VARS2: variants seen among roughly 807,000 people sequenced by gnomAD.
The protein encoded by VARS2 is valyl-tRNA synthetase 2, mitochondrial.
VARS2 carries 105 observed loss-of-function variants against 154.1 expected under a neutral mutation model. The observed-to-expected ratio is 0.68, with a 90% CI of 0.58 to 0.80. VARS2 has a LOEUF of 0.80. Ranked by LOEUF, VARS2 falls within the 30% of genes least tolerant of loss-of-function variation. The pLI, the probability that VARS2 is intolerant of heterozygous loss-of-function variation, is 0.00. For synonymous variants in VARS2, 483 were observed against 539.5 expected (o/e 0.90, Z 1.45); for missense variants, 1,157 against 1,361.4 (o/e 0.85, Z 2.36).
In VARS2 at chr6:30,924,123, A is replaced by G. The variant is rs1794699189; in HGVS notation, c.2467-231A>G. The stretch of plus-strand genomic sequence containing the variant: ...TCAATGATTTTTTTCCCTAAACTAC[A>G]TGTTTCCCTGGAAATCCTGTCCCTG... On this transcript the variant is annotated intron_variant, in intron 25 of 29. Coordinates refer to ENST00000676266, the MANE Select transcript of VARS2 (RefSeq NM_020442.6). 4.6e-5 allele frequency: 27 copies of G among 584,116 alleles called. 1 individual carries two copies. Among genetic ancestry groups the G allele is most frequent in the Middle Eastern group, 4.4e-4 (1 of 2,248 alleles). 36.2% of individuals were successfully genotyped at this position (584,116 alleles called of 1,614,324 possible).
chr6:30,915,304 CA>C, intron 3 of VARS2, 50 bp from the exon 4 acceptor site: 1 of 1,612,408 alleles, frequency 6.2e-7, no homozygotes, highest in South Asian at 1.1e-5. Flanking sequence ...TGCCGAAATG[CA>C]GCCTGGGAAC....
chr6:30,918,928 G>A lies in VARS2; in HGVS notation c.1074+13G>A, dbSNP rs1794339685. ...CTCGCGATACACAGTAATACCCAGT[G>A]CGCTCCTGCACTCTGGCCCGCCCCG... On this transcript the variant is annotated intron_variant, in intron 11 of 29. Coordinates refer to ENST00000676266, the MANE Select transcript of VARS2 (RefSeq NM_020442.6). The A allele has an allele frequency of 6.2e-7, 1 of 1,611,478 alleles. No individual in the cohort carries two copies.
Position 30,917,543 on chromosome 6 carries a change from G to A in VARS2, c.874-152G>A. 1.3e-6 allele frequency: 1 copy of A among 760,944 alleles called. No homozygotes were observed. The highest frequency in any genetic ancestry group is 2.1e-6 in the Non-Finnish European group (1 of 478,440). The allele number at this position is 760,944 out of a possible 1,614,324, so 47.1% of individuals were successfully genotyped here. On this transcript the variant is annotated intron_variant, in intron 9 of 29. Transcript: ENST00000676266. The surrounding 1 kb of genome is among the most constrained non-coding windows in gnomAD (Gnocchi z 4.4). ...AGAAGTGTGACTGCACGAGCATTGG[G>A]TGAGGGCAGAGGGAGGTAGCTCCCG...
rs569160389 is a variant in VARS2, at chr6:30,922,579, G to C, written c.2037+25G>C. ...GGTGAGGACGAAGCACCCACTAGAG[G>C]GACAAGGTTTGCAGGGTTTGCAGGA... is the stretch of plus-strand genomic sequence containing the variant. On this transcript the variant is annotated intron_variant, in intron 21 of 29. Coordinates refer to ENST00000676266, the MANE Select transcript of VARS2 (RefSeq NM_020442.6). The C allele has an allele frequency of 1.3e-4, 208 of 1,558,586 alleles. 1 individual carries two copies. Among genetic ancestry groups the C allele is most frequent in the Non-Finnish European group, 6.1e-6 (7 of 1,151,552 alleles).
intron 26 of VARS2, 148 bp from the exon 27 acceptor site, chr6:30,925,126 C>G: frequency 2.0e-6 from 1 of 508,532 alleles, no homozygotes; most frequent in South Asian, 4.2e-5. Context: ...TTGTCATGTT[C>G]CTTGAGATAG....
chr6:30,924,458 G>C lies in VARS2; in HGVS notation c.2571G>C (p.Met857Ile). The C allele has an allele frequency of 1.2e-6, 2 of 1,612,564 alleles. No homozygotes were observed. ...DLGLRLLAPL[M>I]PFLAEELWQR... ...GCCTCCGCCTCCTGGCCCCACTGATGCCCTTCCTGGCTGAAGAGCTCTGGC... is the reference window on the plus strand; with the variant it reads ...GCCTCCGCCTCCTGGCCCCACTGATCCCCTTCCTGGCTGAAGAGCTCTGGC... The change falls in exon 26 of 30, where the codon ATG becomes ATC. Residue 857 changes from methionine (M) to isoleucine (I), a missense_variant. Met to Ile is a conservative substitution (Grantham distance 10). Transcript: ENST00000676266.
chr6:30,920,899 G>A lies in VARS2; in HGVS notation c.1479+150G>A. On this transcript the variant is annotated intron_variant, in intron 15 of 29. Transcript: ENST00000676266. The surrounding 1 kb of genome is among the most constrained non-coding windows in gnomAD (Gnocchi z 4.6). ...GGATGTGTGGGATGGAGGCTGGGCG[G>A]CCCAGCAAGGGCTGGCTCATATCCT... 1.8e-6 allele frequency: 2 copies of A among 1,106,874 alleles called. No homozygotes were observed. The highest frequency in any genetic ancestry group is 2.5e-6 in the Non-Finnish European group (2 of 788,124). The allele number at this position is 1,106,874 out of a possible 1,614,324, so 68.6% of individuals were successfully genotyped here. A position where few individuals can be genotyped will look rare whatever the true frequency, so the allele number is the denominator to read the frequency against.
Position 30,919,918 on chromosome 6 carries a change from G to A in VARS2, c.1165+70G>A. 6.7e-7 allele frequency: 1 copy of A among 1,492,388 alleles called. No homozygotes were observed. The highest frequency in any genetic ancestry group is 1.4e-5 in the South Asian group (1 of 73,748). 92.4% of individuals were successfully genotyped at this position (1,492,388 alleles called of 1,614,324 possible). A position where few individuals can be genotyped will look rare whatever the true frequency, so the allele number is the denominator to read the frequency against. On this transcript the variant is annotated intron_variant, in intron 12 of 29. Transcript: ENST00000676266. This position sits in a 1 kb window ranked among gnomAD's most constrained non-coding sequence, Gnocchi z 4.5. ...GGAGAGGGGAGGGAACCAGGAGGAA[G>A]AGGAAGGTGGGAGTGGGAGATCCTC...
chr6:30,918,026 T>C (rs1196367033), intron 10 of VARS2, among the ~76,000 whole-genome samples: 2 of 152,092 alleles, frequency 1.3e-5, no homozygotes, highest in Non-Finnish European at 2.9e-5. Context: ...AGGAGTGCGC[T>C]ACCCAGGAAA....
chr6:30,925,539 T>G lies in VARS2; in HGVS notation c.2786-5T>G. On this transcript the variant is annotated splice_polypyrimidine_tract_variant and splice_region_variant and intron_variant, in intron 27 of 29. Transcript: ENST00000676266. ...CCTTGCCCCTGACAGTTTCTTTCTTTCCAGTGCTGCTGCAGAGCTCAGAGC... is the reference window on the plus strand; with the variant it reads ...CCTTGCCCCTGACAGTTTCTTTCTTGCCAGTGCTGCTGCAGAGCTCAGAGC... The G allele has an allele frequency of 6.4e-7, 1 of 1,574,696 alleles. No individual in the cohort carries two copies. The highest frequency in any genetic ancestry group is 8.6e-7 in the Non-Finnish European group (1 of 1,164,522).
At position 30,920,615 on chromosome 6, in the gene VARS2, G is replaced by A; in HGVS notation, c.1398-53G>A. On this transcript the variant is annotated intron_variant, in intron 14 of 29. Coordinates refer to ENST00000676266, the MANE Select transcript of VARS2 (RefSeq NM_020442.6). This position sits in a 1 kb window ranked among gnomAD's most constrained non-coding sequence, Gnocchi z 4.6. ...GCATGGCATGGGGTCTTGTGCCCCTGGGAGAAGTCACAGGGCCGGAAGAGC... is the reference window on the plus strand; with the variant it reads ...GCATGGCATGGGGTCTTGTGCCCCTAGGAGAAGTCACAGGGCCGGAAGAGC... 1 of 1,456,098 alleles carries A rather than the reference G, an allele frequency of 6.9e-7. No individual in the cohort carries two copies. Among genetic ancestry groups the A allele is most frequent in the Non-Finnish European group, 9.2e-7 (1 of 1,081,282 alleles). The allele number at this position is 1,456,098 out of a possible 1,614,324, so 90.2% of individuals were successfully genotyped here. A position where few individuals can be genotyped will look rare whatever the true frequency, so the allele number is the denominator to read the frequency against.
At position 30,921,224 on chromosome 6, in the gene VARS2, C is replaced by T. The variant is rs370809046; in HGVS notation, c.1557-6C>T. ...TTCTAAGACTTCACGAATGTCCTCC[C>T]GGCAGGGACTGGTGTGTCTCCCGGC... On this transcript the variant is annotated splice_polypyrimidine_tract_variant and splice_region_variant and intron_variant, in intron 16 of 29. Coordinates refer to ENST00000676266, the MANE Select transcript of VARS2 (RefSeq NM_020442.6). The surrounding 1 kb of genome is among the most constrained non-coding windows in gnomAD (Gnocchi z 4.6). 23 of 1,613,940 alleles carry T rather than the reference C, an allele frequency of 1.4e-5. No individual in the cohort carries two copies. Among genetic ancestry groups the T allele is most frequent in the African/African-American group, 8.0e-5 (6 of 74,874 alleles).
intron 1 of VARS2, 161 bp downstream of exon 1, chr6:30,914,505 T>C (rs1562444572): frequency 2.2e-6 from 3 of 1,341,984 alleles, no homozygotes; most frequent in African/African-American, 1.5e-5. Flanking sequence ...GACTCCTTGC[T>C]GGCTCTTGGG....
In VARS2 at chr6:30,924,493, C is replaced by A; in HGVS notation, c.2606C>A (p.Pro869His). 1.2e-6 allele frequency: 2 copies of A among 1,605,550 alleles called. No individual in the cohort carries two copies. Among genetic ancestry groups the A allele is most frequent in the Non-Finnish European group, 1.7e-6 (2 of 1,174,472 alleles). Residue 869 changes from proline to histidine, a missense_variant, in exon 26 of 30, where the codon CCC becomes CAC. By Grantham distance (77) the Pro-to-His change is moderately conservative (BLOSUM62 -2). Transcript: ENST00000676266. ...GCTGAAGAGCTCTGGCAGAGGCTGC[C>A]CCCCAGGCCTGGTTGCCCCCCTGCC... Reference protein sequence around the residue: ...FLAEELWQRLPPRPGCPPAPS... With the variant: ...FLAEELWQRLHPRPGCPPAPS...
At position 30,915,432 on chromosome 6, in the gene VARS2, G is replaced by C; in HGVS notation, c.361G>C (p.Gly121Arg). The C allele has an allele frequency of 6.2e-7, 1 of 1,614,126 alleles. No individual in the cohort carries two copies. ...AAWYPWWVRE[G>R]FFKPEYQARL... is the part of the protein sequence containing the mutation. Reference sequence around the variant, plus strand: ...CTGGTACCCGTGGTGGGTACGAGAGGGCTTCTTCAAACCAGAATATCAGGT... The same window carrying C: ...CTGGTACCCGTGGTGGGTACGAGAGCGCTTCTTCAAACCAGAATATCAGGT... The change falls in exon 4 of 30, where the codon GGC (glycine) becomes CGC (arginine). Residue 121 changes from glycine (G) to arginine (R), a missense_variant. Gly to Arg is a moderately radical substitution (Grantham distance 125). Coordinates refer to ENST00000676266, the MANE Select transcript of VARS2 (RefSeq NM_020442.6).
chr6:30,925,600 C>T lies in VARS2; in HGVS notation c.2842C>T (p.Pro948Ser), dbSNP rs746661112. The T allele has an allele frequency of 1.2e-6, 2 of 1,610,798 alleles. No homozygotes were observed. Among genetic ancestry groups the T allele is most frequent in the Admixed American group, 1.7e-5 (1 of 59,802 alleles). The change falls in exon 28 of 30, where the codon CCC becomes TCC. Residue 948 changes from proline (P) to serine (S), a missense_variant. By Grantham distance (74) the Pro-to-Ser change is moderately conservative. Coordinates refer to ENST00000676266, the MANE Select transcript of VARS2 (RefSeq NM_020442.6). Reference protein sequence around the residue: ...DQGLFEAFLEPLGTLGYCGAV... With the variant: ...DQGLFEAFLESLGTLGYCGAV... The stretch of plus-strand genomic sequence containing the variant: ...GGGCCTCTTCGAGGCCTTCTTGGAG[C>T]CCCTGGGCACCCTGGGCTACTGTGG...
chr6:30,914,852 C>T lies in VARS2; in HGVS notation c.16C>T (p.Leu6Phe). The T allele has an allele frequency of 6.2e-7, 1 of 1,613,064 alleles. No individual in the cohort carries two copies. Among genetic ancestry groups the T allele is most frequent in the Non-Finnish European group, 8.5e-7 (1 of 1,180,036 alleles). Residue 6 changes from leucine (L) to phenylalanine (F), a missense_variant, in exon 2 of 30, where the codon CTC (leucine) becomes TTC (phenylalanine). By Grantham distance (22) the Leu-to-Phe change is conservative. Transcript: ENST00000676266. MPHLPLASFRPPFWGL... is the reference protein window; with the variant it reads MPHLPFASFRPPFWGL... ...AACACTCCTGATGCCTCATTTGCCT[C>T]TCGCCTCTTTTCGACCACCATTTTG...
At position 30,920,838 on chromosome 6, in the gene VARS2, C is replaced by G; in HGVS notation, c.1479+89C>G. On this transcript the variant is annotated intron_variant, in intron 15 of 29. Transcript: ENST00000676266. The surrounding 1 kb of genome is among the most constrained non-coding windows in gnomAD (Gnocchi z 4.6). ...GAAGAAATGGGAAGCAGGAGACCTC[C>G]TGCCCTGAAGACCTCTCCAGCTGTG... The G allele has an allele frequency of 7.9e-7, 1 of 1,268,016 alleles. No individual in the cohort carries two copies. The highest frequency in any genetic ancestry group is 1.1e-6 in the Non-Finnish European group (1 of 928,116). 78.5% of individuals were successfully genotyped at this position (1,268,016 alleles called of 1,614,324 possible). A position where few individuals can be genotyped will look rare whatever the true frequency, so the allele number is the denominator to read the frequency against.
rs1470510884 is a variant in VARS2, at chr6:30,914,252, C to A, written c.-120C>A. The A allele has an allele frequency of 4.8e-5, 37 of 773,288 alleles. No individual in the cohort carries two copies. Among genetic ancestry groups the A allele is most frequent in the Non-Finnish European group, 6.2e-5 (35 of 567,594 alleles). The allele number at this position is 773,288 out of a possible 1,614,324, so 47.9% of individuals were successfully genotyped here. On this transcript the variant is annotated 5_prime_UTR_variant, in exon 1 of 30. Coordinates refer to ENST00000676266, the MANE Select transcript of VARS2 (RefSeq NM_020442.6). ...GCCGGGGCCCCGCCCCCATGCGCCG[C>A]GCGGCTCCAGGGCCACGTTCCAGGG...
Sources: gnomAD v4.1 joint callset for allele counts (sites outside exome capture counted in the v4.1 genomes callset) on GRCh38, gnomAD v4.1.1 for gene constraint, Gnocchi (gnomAD v3.1) non-coding constraint, MANE v1.5 for transcripts, NCBI Gene and HGNC (gene_info 2026-07-23, HGNC 2026-07-21) for gene names.